The following FANCM variants were observed in gnomAD, a reference collection of about 807,000 sequenced individuals.
The protein encoded by FANCM is Fanconi anemia group M protein.
Under a neutral mutation model 199.5 loss-of-function variants are expected in FANCM, and 140 were observed. That is an observed-to-expected ratio of 0.70 (90% CI 0.61 to 0.81). The LOEUF (loss-of-function observed/expected upper bound fraction) is 0.81. Among genes scored for constraint, FANCM ranks in the 30% least tolerant of loss-of-function variants. The pLI is 0.00. For missense variants in FANCM, 2,410 were observed against 2,421.4 expected, an observed-to-expected ratio of 1.00 and a Z score of 0.10; for synonymous variants, 840 against 836.8, an observed-to-expected ratio of 1.00 and a Z score of -0.07.
intron 3 of FANCM, among the ~76,000 whole-genome samples, chr14:45,146,240 G>GAA (rs143430263): frequency 0.074 from 6,803 of 92,456 alleles, 515 homozygotes; most frequent in South Asian, 0.13. Flanking sequence ...GACTCCGTCT[G>GAA]AAAAAAAAAA....
intron 21 of FANCM, among the ~76,000 whole-genome samples, chr14:45,198,204 A>G (rs915175342): frequency 2.6e-5 from 4 of 152,212 alleles, no homozygotes; most frequent in African/African-American, 7.2e-5. Flanking sequence ...GGAATAGAAA[A>G]TGAACAAGAA....
rs774814027 is a variant in FANCM, at chr14:45,175,495, A to G, written c.2741A>G (p.Glu914Gly). Reference sequence around the variant, plus strand: ...ATTGCTGCCACATGTACTATTAATGAAAATGTTATTAAAGAACCGTGTGTG... The same window carrying G: ...ATTGCTGCCACATGTACTATTAATGGAAATGTTATTAAAGAACCGTGTGTG... ...DEIAATCTIN[E>G]NVIKEPCVLL... The change falls in exon 14 of 23, where the codon GAA (glutamate) becomes GGA (glycine). Residue 914 changes from glutamate to glycine, a missense_variant. By Grantham distance (98) the Glu-to-Gly change is moderately conservative. Transcript: ENST00000267430. The G allele has an allele frequency of 1.2e-6, 2 of 1,613,056 alleles. No homozygotes were observed. The highest frequency in any genetic ancestry group is 1.7e-6 in the Non-Finnish European group (2 of 1,179,426).
chr14:45,169,122 G>C (rs558947107), intron 11 of FANCM, among the ~76,000 whole-genome samples: 3 of 151,626 alleles, frequency 2.0e-5, no homozygotes, highest in Non-Finnish European at 2.9e-5. Context: ...GGGTTTCTCC[G>C]TGTTGGCCAG....
rs370363591 is a variant in FANCM, at chr14:45,154,827, G to T, written c.1309+5G>T. The T allele has an allele frequency of 1.1e-4, 173 of 1,606,490 alleles. No individual in the cohort carries two copies. The highest frequency in any genetic ancestry group is 1.4e-4 in the Non-Finnish European group (161 of 1,175,798). ...GTATTTCTGCTATCCAACAAGGTCT[G>T]GTTTTTCTTTTAAAATTATGTATTG... On this transcript the variant is annotated splice_donor_5th_base_variant and intron_variant, in intron 7 of 22. Coordinates refer to ENST00000267430, the MANE Select transcript of FANCM (RefSeq NM_020937.4).
intron 3 of FANCM, among the ~76,000 whole-genome samples, chr14:45,147,197 T>C (rs1886459568): frequency 6.6e-6 from 1 of 152,226 alleles, no homozygotes; most frequent in South Asian, 2.1e-4. Flanking sequence ...GTGTGCCGTA[T>C]TGGGCACTGC....
At chr14:45,173,971 C>G (rs541156804) in intron 13 of FANCM, among the ~76,000 whole-genome samples, 1 of 152,294 alleles carries the variant, frequency 6.6e-6, no homozygotes, top group South Asian at 2.1e-4. Context: ...GTGCCACACT[C>G]TATTCCCTGC....
chr14:45,143,171 C>CT lies in FANCM; in HGVS notation c.759+2479dup, dbSNP rs58148802. Among the ~76,000 whole-genome samples, 547 of 140,318 alleles carry CT rather than the reference C, an allele frequency of 3.9e-3. 3 individuals are homozygous for CT. The highest frequency in any genetic ancestry group is 4.5e-3 in the African/African-American group (172 of 38,350). 92.1% of individuals were successfully genotyped at this position (140,318 alleles called of 152,430 possible). A position where few individuals can be genotyped will look rare whatever the true frequency, so the allele number is the denominator to read the frequency against. On this transcript the variant is annotated intron_variant, in intron 3 of 22. Coordinates refer to ENST00000267430, the MANE Select transcript of FANCM (RefSeq NM_020937.4). ...AGCTCCTGTGTCCTTTAGACATGCA[C>CT]TTTTTTTTTTTTTTTTTAAACAGGG...
chr14:45,189,193 T>A lies in FANCM; in HGVS notation c.5171T>A (p.Val1724Asp). The change falls in exon 20 of 23, where the codon GTT becomes GAT. Residue 1724 changes from valine to aspartate, a missense_variant. Coordinates refer to ENST00000267430, the MANE Select transcript of FANCM (RefSeq NM_020937.4). ...TCCAAGGTGCGTTCTACTCCAAGAG[T>A]TAATCCATTAGCAAAGCAGAGCAAA... Reference protein sequence around the residue: ...AQSKVRSTPRVNPLAKQSKQT... With the variant: ...AQSKVRSTPRDNPLAKQSKQT... 1 of 1,614,086 alleles carries A rather than the reference T, an allele frequency of 6.2e-7. No individual in the cohort carries two copies. Among genetic ancestry groups the A allele is most frequent in the Non-Finnish European group, 8.5e-7 (1 of 1,180,018 alleles).
intron 18 of FANCM, 151 bp from the exon 19 acceptor site, chr14:45,187,630 T>C: frequency 1.8e-6 from 1 of 548,060 alleles, no homozygotes. Flanking sequence ...GAATAATTGT[T>C]TATAGATATC....
chr14:45,147,289 CT>C (rs1477103327), intron 3 of FANCM, among the ~76,000 whole-genome samples: 2 of 149,046 alleles, frequency 1.3e-5, no homozygotes, highest in African/African-American at 2.4e-5. Flanking sequence ...TCAAAGCTTT[CT>C]TTTTTTCTTT....
chr14:45,196,984 C>G (rs188587741), intron 21 of FANCM, among the ~76,000 whole-genome samples: 2 of 152,254 alleles, frequency 1.3e-5, no homozygotes, highest in East Asian at 3.9e-4. Flanking sequence ...AGGGAAGCAA[C>G]AGATATAAGG....
chr14:45,148,200 A>AACAC (rs200351777), intron 3 of FANCM, among the ~76,000 whole-genome samples: 11,982 of 142,350 alleles, frequency 0.084, 521 homozygotes, highest in Non-Finnish European at 0.11. Context: ...CCGTCTCAAA[A>AACAC]ACACACACAC....
Position 45,137,172 on chromosome 14 carries a change from C to T in FANCM, c.612C>T (p.Pro204=), listed in dbSNP as rs756918417. ...MVNDLSRGAC[P]AAEIKCLVID... is the part of the protein sequence containing the mutation. ...ATGACCTTTCTAGAGGAGCTTGTCC[C>T]GCTGCTGAAATAAAGTGTTTAGTTA... Residue 204 remains proline (P), a synonymous_variant, in exon 2 of 23, where the codon CCC becomes CCT. Transcript: ENST00000267430. 2 of 1,613,688 alleles carry T rather than the reference C, an allele frequency of 1.2e-6. No homozygotes were observed. The highest frequency in any genetic ancestry group is 4.5e-5 in the East Asian group (2 of 44,852).
Position 45,136,683 on chromosome 14 carries a change from G to A in FANCM, c.508+144G>A, listed in dbSNP as rs185595769. ...CAGCAAGCCCAAAACTGATGAATAG[G>A]GTTGCTTTATTCAATCTTCAGAGAA... On this transcript the variant is annotated intron_variant, in intron 1 of 22. Transcript: ENST00000267430. 16 of 795,382 alleles carry A rather than the reference G, an allele frequency of 2.0e-5. No homozygotes were observed. The East Asian group carries it at 3.7e-4, about 18-fold the overall frequency. The allele number at this position is 795,382 out of a possible 1,614,324, so 49.3% of individuals were successfully genotyped here.
intron 2 of FANCM, chr14:45,137,504 G>C (rs553356813): frequency 1.9e-4 from 87 of 447,650 alleles, no homozygotes; most frequent in African/African-American, 1.5e-3. Flanking sequence ...AGTGTCAGAT[G>C]TAGATCATGA....
At chr14:45,161,866 T>TA (rs1455082034) in intron 9 of FANCM, among the ~76,000 whole-genome samples, 2 of 152,140 alleles carry the variant, frequency 1.3e-5, no homozygotes, top group Non-Finnish European at 1.5e-5. Flanking sequence ...TTGGGAGACT[T>TA]ATAACAATTT....
chr14:45,144,106 A>G (rs1386096024), intron 3 of FANCM, among the ~76,000 whole-genome samples: 3 of 152,018 alleles, frequency 2.0e-5, no homozygotes, highest in Non-Finnish European at 4.4e-5. Context: ...ATATTTTGAT[A>G]CAGGCATGCA....
At chr14:45,163,518 C>G (rs1343911794) in intron 9 of FANCM, among the ~76,000 whole-genome samples, 1 of 152,172 alleles carries the variant, frequency 6.6e-6, no homozygotes, top group Non-Finnish European at 1.5e-5. Context: ...AAGGGACTTT[C>G]ATTAACTTTT....
At chr14:45,187,499 A>C (rs1889479842) in intron 18 of FANCM, among the ~76,000 whole-genome samples, 1 of 152,176 alleles carries the variant, frequency 6.6e-6, no homozygotes, top group Non-Finnish European at 1.5e-5. Context: ...GTTTTGAAAG[A>C]AAAGTCACCA....
Sources: gnomAD v4.1 joint callset for allele counts (sites outside exome capture counted in the v4.1 genomes callset) on GRCh38, gnomAD v4.1.1 for gene constraint, MANE v1.5 for transcripts, NCBI Gene and HGNC (gene_info 2026-07-23, HGNC 2026-07-21) for gene names.